Variants in GNB4 observed in about 807,000 individuals in gnomAD.
GNB4 encodes guanine nucleotide-binding protein subunit beta-4.
In GNB4, 28 loss-of-function variants were observed where a neutral mutation model predicts 45.2. The ratio of observed to expected loss-of-function variants is 0.62; its 90% CI spans 0.46 to 0.85. GNB4 has a LOEUF of 0.85. GNB4 is among the 40% of genes least tolerant of loss of function. The pLI, the probability that GNB4 is intolerant of heterozygous loss-of-function variation, is 0.00. For missense variants in GNB4, 321 were observed against 425.4 expected (o/e 0.75, Z 2.16); for synonymous variants, 132 against 143.7 (o/e 0.92, Z 0.58).
At chr3:179,402,048 A>T (rs1330713084) in intron 9 of GNB4, among the ~76,000 whole-genome samples, 1 of 152,236 alleles carries the variant, frequency 6.6e-6, no homozygotes, top group Non-Finnish European at 1.5e-5. Context: ...ATTCTTAAGC[A>T]TATCATTTTC....
At chr3:179,433,545 C>A (rs1715365499) in intron 1 of GNB4, among the ~76,000 whole-genome samples, 1 of 150,938 alleles carries the variant, frequency 6.6e-6, no homozygotes, top group Admixed American at 6.6e-5. Flanking sequence ...TTTGAAGCTG[C>A]AGTAAGCTAC....
the GNB4 span, among the ~76,000 whole-genome samples, chr3:179,504,180 G>A: frequency 6.6e-6 from 1 of 151,764 alleles, no homozygotes; most frequent in Non-Finnish European, 1.5e-5. Flanking sequence ...TTTAAAAAAT[G>A]GATTATTTTC....
the GNB4 span, among the ~76,000 whole-genome samples, chr3:179,465,718 GT>G: frequency 1.3e-5 from 2 of 151,476 alleles, no homozygotes; most frequent in South Asian, 2.1e-4. Flanking sequence ...CCTAACCTGA[GT>G]TTTTTTCTTA....
chr3:179,450,977 G>T (rs61644759), intron 1 of GNB4: 1 of 152,272 alleles, frequency 6.6e-6, no homozygotes, highest in Non-Finnish European at 1.5e-5. Flanking sequence ...GGGCACGCAC[G>T]GGCTCGTGCT....
chr3:179,520,527 A>G, the GNB4 span, among the ~76,000 whole-genome samples: 1 of 151,908 alleles, frequency 6.6e-6, no homozygotes, highest in South Asian at 2.1e-4. Context: ...CCGCCCTAAT[A>G]CTTTTAGAGG....
chr3:179,398,323 T>C lies in GNB4; in HGVS notation c.*2890A>G, dbSNP rs142274381. ...TGAGGCCAGGAGTACGAGATCAGACTGGCCAAGATGGTGAAACCCCATCTC... is the reference window on the plus strand; with the variant it reads ...TGAGGCCAGGAGTACGAGATCAGACCGGCCAAGATGGTGAAACCCCATCTC... On this transcript the variant is annotated 3_prime_UTR_variant, in exon 10 of 10. Coordinates refer to ENST00000232564, the MANE Select transcript of GNB4 (RefSeq NM_021629.4). 2.0e-5 allele frequency: 3 copies of C among 151,778 alleles called. No homozygotes were observed. Among genetic ancestry groups the C allele is most frequent in the African/African-American group, 4.8e-5 (2 of 41,382 alleles). The allele number at this position is 151,778 out of a possible 1,614,324, so 9.4% of individuals were successfully genotyped here.
chr3:179,473,397 C>A, the GNB4 span, among the ~76,000 whole-genome samples: 1 of 151,886 alleles, frequency 6.6e-6, no homozygotes, highest in Non-Finnish European at 1.5e-5. Context: ...CCTGAAGCAA[C>A]TTTTAATTAT....
chr3:179,423,679 G>T (rs562997080), intron 2 of GNB4, among the ~76,000 whole-genome samples: 1 of 152,082 alleles, frequency 6.6e-6, no homozygotes, highest in African/African-American at 2.4e-5. Context: ...TTCTCAGGAC[G>T]CTGAGGCAGG....
At chr3:179,431,390 C>T (rs1208884372) in intron 1 of GNB4, among the ~76,000 whole-genome samples, 1 of 151,920 alleles carries the variant, frequency 6.6e-6, no homozygotes, top group Admixed American at 6.6e-5. Flanking sequence ...AACCCCATCT[C>T]TACTAAAAAT....
chr3:179,441,117 T>C (rs781676039), intron 1 of GNB4, among the ~76,000 whole-genome samples: 8 of 152,232 alleles, frequency 5.3e-5, no homozygotes, highest in African/African-American at 1.2e-4. Context: ...ACACCTACCC[T>C]GTGCTAGGCA....
chr3:179,435,889 G>A (rs1020750303), intron 1 of GNB4, among the ~76,000 whole-genome samples: 28 of 152,144 alleles, frequency 1.8e-4, no homozygotes, highest in Non-Finnish European at 3.5e-4. Context: ...TGCATAATTC[G>A]AATGGCCTTC....
the GNB4 span, among the ~76,000 whole-genome samples, chr3:179,518,285 C>T: frequency 6.6e-6 from 1 of 152,144 alleles, no homozygotes; most frequent in African/African-American, 2.4e-5. Flanking sequence ...GCTACAAGAT[C>T]TAAATAATTC....
chr3:179,481,213 A>C, the GNB4 span, among the ~76,000 whole-genome samples: 1 of 152,222 alleles, frequency 6.6e-6, no homozygotes, highest in African/African-American at 2.4e-5. Flanking sequence ...CATGAGCTCC[A>C]TGGATGTAAA....
chr3:179,456,835 G>C, the GNB4 span, among the ~76,000 whole-genome samples: 1 of 152,054 alleles, frequency 6.6e-6, no homozygotes, highest in South Asian at 2.1e-4. Context: ...TACCTTTCGA[G>C]ACTGTCTTTT....
Position 179,399,740 on chromosome 3 carries a change from T to G in GNB4, c.*1473A>C, listed in dbSNP as rs1714229568. 2.0e-5 allele frequency: 3 copies of G among 152,290 alleles called. No individual in the cohort carries two copies. Among genetic ancestry groups the G allele is most frequent in the South Asian group, 4.1e-4 (2 of 4,824 alleles). 9.4% of individuals were successfully genotyped at this position (152,290 alleles called of 1,614,324 possible). A position where few individuals can be genotyped will look rare whatever the true frequency, so the allele number is the denominator to read the frequency against. On this transcript the variant is annotated 3_prime_UTR_variant, in exon 10 of 10. Coordinates refer to ENST00000232564, the MANE Select transcript of GNB4 (RefSeq NM_021629.4). ...GAGTATTTAGGTTAAGTTACACATG[T>G]TCAAAAGTTAACACAGACCTATCTG...
At chr3:179,411,644 CTGAGAGA>C (rs1167442139) in intron 8 of GNB4, among the ~76,000 whole-genome samples, 4 of 152,188 alleles carry the variant, frequency 2.6e-5, no homozygotes, top group Admixed American at 6.5e-5. Flanking sequence ...AAGTAATGGG[CTGAGAGA>C]TAGAGAGGGT....
At position 179,411,334 on chromosome 3, in the gene GNB4, TG is replaced by T. The variant is rs1161264788; in HGVS notation, c.699+2077del. On this transcript the variant is annotated intron_variant, in intron 8 of 9. Coordinates refer to ENST00000232564, the MANE Select transcript of GNB4 (RefSeq NM_021629.4). ...ATTTCAAAATATTATAAAAATATAA[TG>T]AAGTTGGTCATAATTTCATCTGAAA... Among the ~76,000 whole-genome samples the T allele has an allele frequency of 1.5e-4, 23 of 152,188 alleles. No individual in the cohort carries two copies. The East Asian group carries it at 3.9e-3, about 26-fold the overall frequency.
chr3:179,458,046 A>T, the GNB4 span, among the ~76,000 whole-genome samples: 1 of 152,128 alleles, frequency 6.6e-6, no homozygotes, highest in African/African-American at 2.4e-5. Context: ...CTGGAATTAC[A>T]GGTGCCTGCC....
chr3:179,464,808 A>T, the GNB4 span: 1 of 1,346,278 alleles, frequency 7.4e-7, no homozygotes, highest in Admixed American at 1.7e-5. Context: ...AAGGATGCTG[A>T]TGGCTTTCAT....
Sources: gnomAD v4.1 joint callset for allele counts (sites outside exome capture counted in the v4.1 genomes callset) on GRCh38, gnomAD v4.1.1 for gene constraint, MANE v1.5 for transcripts, NCBI Gene and HGNC (gene_info 2026-07-23, HGNC 2026-07-21) for gene names.